C4orf54: variants seen among roughly 807,000 people sequenced by gnomAD.
C4orf54 encodes chromosome 4 open reading frame 54.
In C4orf54, 67 loss-of-function variants were observed where a neutral mutation model predicts 80.1. The ratio of observed to expected loss-of-function variants is 0.84; its 90% CI spans 0.69 to 1.03. The LOEUF (loss-of-function observed/expected upper bound fraction) is 1.03, where lower values mean the gene tolerates loss of function less well. C4orf54 is among the 50% of genes least tolerant of loss of function. The pLI is 0.00. For synonymous variants in C4orf54, 1,000 were observed against 917.0 expected, an observed-to-expected ratio of 1.09 and a Z score of -1.64; for missense variants, 2,434 against 2,253.5, an observed-to-expected ratio of 1.08 and a Z score of -1.62.
chr4:99,643,792 A>ACACACCCCCCC (rs61130907), intron 2 of C4orf54, among the ~76,000 whole-genome samples: 5 of 98,904 alleles, frequency 5.1e-5, no homozygotes, highest in Admixed American at 3.5e-4. Flanking sequence ...ACACACACAC[A>ACACACCCCCCC]CCCCCTCCGC....
In C4orf54 at chr4:99,655,088, C is replaced by A. The variant is rs538501927; in HGVS notation, c.-31-409G>T. ...TATGCATTTCTTTTTCTTTGGAGAG[C>A]CAAATCAGATGAGTTTTGGTAGTAA... On this transcript the variant is annotated intron_variant, in intron 1 of 2. Transcript: ENST00000511828. Among the ~76,000 whole-genome samples, 4 of 152,208 alleles carry A rather than the reference C, an allele frequency of 2.6e-5. No homozygotes were observed. In the South Asian group the frequency reaches 8.3e-4, roughly 32 times the overall value.
rs1726785730 is a variant in C4orf54 at position 99,650,331 on chromosome 4, T to A, written c.4318A>T (p.Ile1440Phe). The A allele has an allele frequency of 6.5e-7, 1 of 1,535,906 alleles. No individual in the cohort carries two copies. Among genetic ancestry groups the A allele is most frequent in the South Asian group, 1.2e-5 (1 of 84,054 alleles). ...IKSQGLRSLK[I>F]SPATRAPPDE... is the part of the protein sequence containing the mutation. ...GGAGGTGCCCGGGTGGCTGGAGAGA[T>A]CTTGAGGGACCGGAGTCCCTGCGAC... The change falls in exon 2 of 3, where the codon ATC becomes TTC. Residue 1440 changes from isoleucine (I) to phenylalanine (F), a missense_variant. Coordinates refer to ENST00000511828, the MANE Select transcript of C4orf54 (RefSeq NM_001354435.2).
At chr4:99,643,796 C>CCCT (rs1313653001) in intron 2 of C4orf54, among the ~76,000 whole-genome samples, 5 of 89,436 alleles carry the variant, frequency 5.6e-5, no homozygotes, top group Non-Finnish European at 8.0e-5. Flanking sequence ...ACACACACCC[C>CCCT]CTCCGCGGCA....
intron 2 of C4orf54, among the ~76,000 whole-genome samples, chr4:99,643,730 C>T (rs1726643391): frequency 7.4e-6 from 1 of 134,528 alleles, no homozygotes; most frequent in African/African-American, 2.6e-5. Flanking sequence ...GCCCTTTCCC[C>T]CAAGCCACAA....
chr4:99,645,410 T>TAAAAAAAAAAAA (rs70958324), intron 2 of C4orf54, among the ~76,000 whole-genome samples: 10 of 55,796 alleles, frequency 1.8e-4, no homozygotes, highest in East Asian at 5.1e-4. Context: ...AGGCTTACAG[T>TAAAAAAAAAAAA]AAAAAAAAAA....
chr4:99,653,537 TG>T lies in C4orf54; in HGVS notation c.1111del (p.His371MetfsTer5). ...TTCCACCTCACTCAGCTGGATCTCA[TG>T]GGTGGTGATGTAGTGAGCCTCTTCG... Reference protein sequence around the residue: ...KVEEAHYITTHEIQLSEVEQD... With the variant: ...KVEEAHYITTXEIQLSEVEQD... On this transcript the variant is annotated frameshift_variant, in exon 2 of 3. Transcript: ENST00000511828. LOFTEE classifies it high-confidence loss of function. 2 of 1,536,028 alleles carry T rather than the reference TG, an allele frequency of 1.3e-6. No homozygotes were observed. Among genetic ancestry groups the T allele is most frequent in the Non-Finnish European group, 1.7e-6 (2 of 1,146,866 alleles).
At position 99,654,268 on chromosome 4, in the gene C4orf54, G is replaced by A. The variant is rs1726938555; in HGVS notation, c.381C>T (p.Pro127=). 2 of 1,536,064 alleles carry A rather than the reference G, an allele frequency of 1.3e-6. No individual in the cohort carries two copies. The highest frequency in any genetic ancestry group is 1.7e-6 in the Non-Finnish European group (2 of 1,146,854). ...ACAGGAAGAGACAATGGTGATCGCT[G>A]GGGAAGTCTTGGGTCCGTCTCTGGC... ...LRGQRRTQDF[P]SDHHCLFLSL... The change falls in exon 2 of 3, where the codon CCC becomes CCT. Residue 127 remains proline (P), a synonymous_variant. Transcript: ENST00000511828.
chr4:99,645,410 T>TAAAAAAA (rs70958324), intron 2 of C4orf54, among the ~76,000 whole-genome samples: 46 of 55,796 alleles, frequency 8.2e-4, no homozygotes, highest in African/African-American at 2.2e-3. Flanking sequence ...AGGCTTACAG[T>TAAAAAAA]AAAAAAAAAA....
At chr4:99,641,955 A>C (rs181597900) in intron 2 of C4orf54, among the ~76,000 whole-genome samples, 1 of 152,320 alleles carries the variant, frequency 6.6e-6, no homozygotes, top group East Asian at 1.9e-4. Flanking sequence ...AGAAGTATCA[A>C]ATAACAGCTA....
chr4:99,653,990 CCAGGG>C lies in C4orf54; in HGVS notation c.654_658del (p.Cys218TrpfsTer7). ...TGGGCTCCTAGAGGCCCTCTGACCCCCAGGGCAGTGCCCCAGGGTAAGTTTCATGG... is the reference window on the plus strand; with the variant it reads ...TGGGCTCCTAGAGGCCCTCTGACCCCCAGTGCCCCAGGGTAAGTTTCATGG... On this transcript the variant is annotated frameshift_variant, in exon 2 of 3. Transcript: ENST00000511828. LOFTEE classifies it high-confidence loss of function. 6.5e-7 allele frequency: 1 copy of C among 1,536,126 alleles called. No homozygotes were observed. Among genetic ancestry groups the C allele is most frequent in the Admixed American group, 2.0e-5 (1 of 51,000 alleles).
chr4:99,652,133 T>C lies in C4orf54; in HGVS notation c.2516A>G (p.His839Arg). ...CTCCTTGGAGGTGCCTGAGAGGTGG[T>C]GGGATGTATCCATGACTTCTCCCCT... is the stretch of plus-strand genomic sequence containing the variant. ...MERGEVMDTSHHLSGTSKETE... is the reference protein window; with the variant it reads ...MERGEVMDTSRHLSGTSKETE... Residue 839 changes from histidine (H) to arginine (R), a missense_variant, in exon 2 of 3, where the codon CAC (histidine) becomes CGC (arginine). Transcript: ENST00000511828. The C allele has an allele frequency of 6.5e-7, 1 of 1,536,088 alleles. No homozygotes were observed. Among genetic ancestry groups the C allele is most frequent in the Non-Finnish European group, 8.7e-7 (1 of 1,146,862 alleles).
At position 99,652,322 on chromosome 4, in the gene C4orf54, C is replaced by T; in HGVS notation, c.2327G>A (p.Gly776Asp). The change falls in exon 2 of 3, where the codon GGC becomes GAC. Residue 776 changes from glycine (G) to aspartate (D), a missense_variant. Physicochemically the swap from Gly to Asp is moderately conservative, Grantham distance 94. Transcript: ENST00000511828. The stretch of plus-strand genomic sequence containing the variant: ...CGTGTATGCCGACCCGGGACCCTTG[C>T]CGGGGCCTTTGGTGGCCCTGCCGGG... The part of the protein sequence containing the change: ...PGPGRATKGP[G>D]KGPGSAYTDD... 1.3e-6 allele frequency: 2 copies of T among 1,535,854 alleles called. No individual in the cohort carries two copies. Among genetic ancestry groups the T allele is most frequent in the Non-Finnish European group, 8.7e-7 (1 of 1,146,804 alleles).
In C4orf54 at chr4:99,637,026, A is replaced by G. The variant is rs2110244676; in HGVS notation, c.*4207T>C. 1.3e-5 allele frequency: 2 copies of G among 152,328 alleles called. No individual in the cohort carries two copies. The highest frequency in any genetic ancestry group is 3.9e-4 in the East Asian group (2 of 5,188). The allele number at this position is 152,328 out of a possible 1,614,324, so 9.4% of individuals were successfully genotyped here. A position where few individuals can be genotyped will look rare whatever the true frequency, so the allele number is the denominator to read the frequency against. ...ACCACTGCTGTCTTTAATATACAAT[A>G]GTATGATTTATGTGTAAATACAGAA... On this transcript the variant is annotated 3_prime_UTR_variant, in exon 3 of 3. Transcript: ENST00000511828.
chr4:99,638,007 T>C lies in C4orf54; in HGVS notation c.*3226A>G, dbSNP rs1726538503. Reference sequence around the variant, plus strand: ...CATTCAATTTGTAGCAAACACAGACTTTGATTTCTATGAAGTATGAAAACA... The same window carrying C: ...CATTCAATTTGTAGCAAACACAGACCTTGATTTCTATGAAGTATGAAAACA... On this transcript the variant is annotated 3_prime_UTR_variant, in exon 3 of 3. Transcript: ENST00000511828. 6.6e-6 allele frequency: 1 copy of C among 152,164 alleles called. No homozygotes were observed. Among genetic ancestry groups the C allele is most frequent in the Non-Finnish European group, 1.5e-5 (1 of 67,998 alleles). 9.4% of individuals were successfully genotyped at this position (152,164 alleles called of 1,614,324 possible).
intron 1 of C4orf54, among the ~76,000 whole-genome samples, chr4:99,656,531 G>A (rs6817049): frequency 0.16 from 23,834 of 152,112 alleles, 2,252 homozygotes; most frequent in East Asian, 0.43. Context: ...CACTCGTCTC[G>A]GCTTCCCAAA....
At position 99,652,989 on chromosome 4, in the gene C4orf54, G is replaced by A. The variant is rs964806754; in HGVS notation, c.1660C>T (p.Leu554Phe). Residue 554 changes from leucine (L) to phenylalanine (F), a missense_variant, in exon 2 of 3, where the codon CTC becomes TTC. Coordinates refer to ENST00000511828, the MANE Select transcript of C4orf54 (RefSeq NM_001354435.2). ...YAAKHEGDMS[L>F]RVSTAAEHNS... ...TGTTCAGCAGCTGTAGAGACGCGGAGGCTCATGTCGCCTTCATGCTTGGCA... is the reference window on the plus strand; with the variant it reads ...TGTTCAGCAGCTGTAGAGACGCGGAAGCTCATGTCGCCTTCATGCTTGGCA... 6.5e-7 allele frequency: 1 copy of A among 1,536,094 alleles called. No individual in the cohort carries two copies. Among genetic ancestry groups the A allele is most frequent in the African/African-American group, 1.4e-5 (1 of 73,060 alleles).
At chr4:99,647,606 T>C (rs1197023074) in intron 2 of C4orf54, among the ~76,000 whole-genome samples, 1 of 131,002 alleles carries the variant, frequency 7.6e-6, no homozygotes, top group East Asian at 2.5e-4. Flanking sequence ...TATTTCTAGA[T>C]TGCAGCTAAA....
Position 99,650,947 on chromosome 4 carries a change from C to T in C4orf54, c.3702G>A (p.Lys1234=). The change falls in exon 2 of 3, where the codon AAG becomes AAA. Residue 1234 remains lysine, a synonymous_variant. Transcript: ENST00000511828. The part of the protein sequence containing the change: ...SKASTQKTPE[K]LKEEEVKEEG... ...CCTCCTTGACCTCCTCCTCCTTGAG[C>T]TTCTCTGGGGTCTTCTGGGTGGAAG... 3.3e-6 allele frequency: 5 copies of T among 1,536,188 alleles called. No individual in the cohort carries two copies. Among genetic ancestry groups the T allele is most frequent in the Non-Finnish European group, 4.4e-6 (5 of 1,146,916 alleles).
Position 99,653,086 on chromosome 4 carries a change from T to C in C4orf54, c.1563A>G (p.Leu521=), listed in dbSNP as rs1280744653. Residue 521 remains leucine (L), a synonymous_variant, in exon 2 of 3, where the codon CTA becomes CTG. Transcript: ENST00000511828. ...SCGSAASQIL[L]SIKPASRAIN... is the part of the protein sequence containing the mutation. ...TAGCCCGGGAAGCCGGTTTGATTGATAGGAGGATCTGGCTTGCTGCACTCC... is the reference window on the plus strand; with the variant it reads ...TAGCCCGGGAAGCCGGTTTGATTGACAGGAGGATCTGGCTTGCTGCACTCC... 3.3e-6 allele frequency: 5 copies of C among 1,536,248 alleles called. No homozygotes were observed. In the South Asian group the frequency reaches 3.6e-5, roughly 11 times the overall value.
Sources: allele counts gnomAD v4.1 joint callset (sites outside exome capture counted in the v4.1 genomes callset), GRCh38; gene constraint gnomAD v4.1.1; transcripts MANE v1.5; gene names NCBI Gene and HGNC (gene_info 2026-07-23, HGNC 2026-07-21).